The following SYNE1 variants were observed in gnomAD, a reference collection of about 807,000 sequenced individuals.
SYNE1 encodes nesprin-1.
Under a neutral mutation model 1,111.0 loss-of-function variants are expected in SYNE1, and 616 were observed. The ratio of observed to expected loss-of-function variants is 0.55; its 90% CI spans 0.52 to 0.59. SYNE1 has a LOEUF of 0.59. Among genes scored for constraint, SYNE1 ranks in the 20% least tolerant of loss-of-function variants. The probability of loss-of-function intolerance (pLI) is 0.00; values close to 1 mark genes in which losing one functional copy is unlikely to be tolerated. For synonymous variants in SYNE1, 3,855 were observed against 3,825.8 expected, an observed-to-expected ratio of 1.01 and a Z score of -0.28; for missense variants, 10,006 against 10,417.0, an observed-to-expected ratio of 0.96 and a Z score of 1.72.
chr6:152,491,646 T>C (rs972876629), intron 11 of SYNE1, among the ~76,000 whole-genome samples: 1 of 152,168 alleles, frequency 6.6e-6, no homozygotes, highest in Non-Finnish European at 1.5e-5. Context: ...TGGATGATTT[T>C]TCTTGAAAAA....
At chr6:152,380,541 G>C (rs909379095) in intron 56 of SYNE1, 1 of 183,820 alleles carries the variant, frequency 5.4e-6, no homozygotes, top group African/African-American at 2.4e-5. Flanking sequence ...AAACCACACA[G>C]AGGAGAGCTA....
rs536556190 is a variant in SYNE1 at position 152,442,669 on chromosome 6, G to A, written c.3838-424C>T. On this transcript the variant is annotated intron_variant, in intron 30 of 145. Coordinates refer to ENST00000367255, the MANE Select transcript of SYNE1 (RefSeq NM_182961.4). ...TATTAAGAGATTTATGGCCAGGGGC[G>A]GTGCAGTGGCTCACACCTGTAATCC... Among the ~76,000 whole-genome samples, 39 of 152,256 alleles carry A rather than the reference G, an allele frequency of 2.6e-4. No individual in the cohort carries two copies. In the South Asian group the frequency reaches 3.7e-3, roughly 15 times the overall value.
At chr6:152,478,130 C>T (rs1473267525) in intron 14 of SYNE1, among the ~76,000 whole-genome samples, 15 of 152,060 alleles carry the variant, frequency 9.9e-5, no homozygotes, top group Non-Finnish European at 1.5e-5. Context: ...TGTAAGAAGA[C>T]TGAGAACTGG....
At position 152,416,603 on chromosome 6, in the gene SYNE1, C is replaced by T. The variant is rs1397702570; in HGVS notation, c.5834G>A (p.Arg1945Lys). 2 of 1,614,018 alleles carry T rather than the reference C, an allele frequency of 1.2e-6. No individual in the cohort carries two copies. The highest frequency in any genetic ancestry group is 1.7e-5 in the Admixed American group (1 of 59,998). Residue 1945 changes from arginine (R) to lysine (K), a missense_variant, in exon 41 of 146, where the codon AGG (arginine) becomes AAG (lysine). This residue lies in a region of SYNE1 where 4,955 missense variants were observed against 5,017.2 expected (regional missense o/e 0.99). Coordinates refer to ENST00000367255, the MANE Select transcript of SYNE1 (RefSeq NM_182961.4). The stretch of plus-strand genomic sequence containing the variant: ...ATCAGCCGTGGCTCTGCAGGAAGTC[C>T]TTTGCTCAGAGCTCCCGATTTTCAG... Reference protein sequence around the residue: ...YHLKIGSSEQRTSCRATADQL... With the variant: ...YHLKIGSSEQKTSCRATADQL...
At chr6:152,230,756 C>A in intron 114 of SYNE1, 54 bp from the exon 115 acceptor site, 3 of 1,547,102 alleles carry the variant, frequency 1.9e-6, no homozygotes, top group South Asian at 1.1e-5. Flanking sequence ...AAAATCAAAT[C>A]ATTAGCAGAC....
chr6:152,510,411 T>A, intron 7 of SYNE1, 40 bp from the exon 8 acceptor site: 1 of 1,602,450 alleles, frequency 6.2e-7, no homozygotes, highest in Non-Finnish European at 8.5e-7. Context: ...ATAAGCATTA[T>A]CTTTGTTATT....
intron 39 of SYNE1, among the ~76,000 whole-genome samples, chr6:152,422,930 C>T (rs2098289776): frequency 6.6e-6 from 1 of 152,120 alleles, no homozygotes; most frequent in Non-Finnish European, 1.5e-5. Flanking sequence ...TATTTTACTC[C>T]AAAATATATT....
rs116355560 is a variant in SYNE1, at chr6:152,516,878, A to C, written c.309+3581T>G. On this transcript the variant is annotated intron_variant, in intron 6 of 145. Coordinates refer to ENST00000367255, the MANE Select transcript of SYNE1 (RefSeq NM_182961.4). ...TGGGATTAGAGGTGTGAGCCACTGCATCTGGTCCTGAAAAACTCTAAATAT... is the reference window on the plus strand; with the variant it reads ...TGGGATTAGAGGTGTGAGCCACTGCCTCTGGTCCTGAAAAACTCTAAATAT... Among the ~76,000 whole-genome samples the C allele has an allele frequency of 4.0e-3, 606 of 152,256 alleles. 4 individuals carry two copies. Among genetic ancestry groups the C allele is most frequent in the African/African-American group, 0.014 (574 of 41,562 alleles).
chr6:152,424,077 C>T (rs77287211), intron 39 of SYNE1, among the ~76,000 whole-genome samples: 7,578 of 152,254 alleles, frequency 0.05, 696 homozygotes, highest in African/African-American at 0.17. Flanking sequence ...CCTCTCTCCA[C>T]ACCATGGACC....
At chr6:152,449,001 G>C (rs574357491) in intron 28 of SYNE1, among the ~76,000 whole-genome samples, 5 of 152,334 alleles carry the variant, frequency 3.3e-5, no homozygotes, top group African/African-American at 1.2e-4. Context: ...AAGAGTGAGA[G>C]AGTGCCATTT....
rs529353527 is a variant in SYNE1 at position 152,462,583 on chromosome 6, C to T, written c.2250+155G>A. The T allele has an allele frequency of 1.0e-5, 8 of 762,162 alleles. No individual in the cohort carries two copies. The Admixed American group carries it at 1.2e-4, about 12-fold the overall frequency. The allele number at this position is 762,162 out of a possible 1,614,324, so 47.2% of individuals were successfully genotyped here. On this transcript the variant is annotated intron_variant, in intron 20 of 145. Coordinates refer to ENST00000367255, the MANE Select transcript of SYNE1 (RefSeq NM_182961.4). ...AGTCATGTCTTTTTTATGTTCAATA[C>T]ATTTTTTTCTGACAGGTGCAAATTG...
In SYNE1 at chr6:152,364,942, A is replaced by T; in HGVS notation, c.10050T>A (p.Asn3350Lys). 1 of 1,614,236 alleles carries T rather than the reference A, an allele frequency of 6.2e-7. No homozygotes were observed. The highest frequency in any genetic ancestry group is 8.5e-7 in the Non-Finnish European group (1 of 1,180,034). ...TAGTGGGAATGCCTTCTGGAGAAGT[A>T]TTCTGAAGGACAGATTCTCCCCTGG... ...IVTRGESVLQ[N>K]TSPEGIPTIQ... is the part of the protein sequence containing the mutation. The change falls in exon 63 of 146, where the codon AAT (asparagine) becomes AAA (lysine). Residue 3350 changes from asparagine to lysine, a missense_variant. Asn to Lys is a moderately conservative substitution (Grantham distance 94). Transcript: ENST00000367255.
At position 152,254,985 on chromosome 6, in the gene SYNE1, T is replaced by C. The variant is rs886044212; in HGVS notation, c.19365A>G (p.Glu6455=). 6.2e-7 allele frequency: 1 copy of C among 1,613,998 alleles called. No individual in the cohort carries two copies. Residue 6455 remains glutamate, a synonymous_variant, in exon 104 of 146, where the codon GAA becomes GAG. Transcript: ENST00000367255. ...PENGDNRDVI[E]DTLGCLLGRL... ...TGCCCAAAAGACAACCCAAAGTATCTTCAATAACATCTCGATTATCACCAT... is the reference window on the plus strand; with the variant it reads ...TGCCCAAAAGACAACCCAAAGTATCCTCAATAACATCTCGATTATCACCAT...
chr6:152,358,270 C>G, intron 66 of SYNE1, 103 bp downstream of exon 66: 1 of 1,491,706 alleles, frequency 6.7e-7, no homozygotes, highest in Non-Finnish European at 9.3e-7. Context: ...TGTGTATCAA[C>G]TAGCCACTGG....
Position 152,430,679 on chromosome 6 carries a change from T to C in SYNE1, c.4492A>G (p.Ser1498Gly). Residue 1498 changes from serine (S) to glycine (G), a missense_variant, in exon 35 of 146, where the codon AGC becomes GGC. By Grantham distance (56) the Ser-to-Gly change is moderately conservative. This residue lies in a region of SYNE1 where 1,971 missense variants were observed against 2,084.1 expected (regional missense o/e 0.95). Transcript: ENST00000367255. Reference protein sequence around the residue: ...VTIQEIESKLSSIVGLEEEAQ... With the variant: ...VTIQEIESKLGSIVGLEEEAQ... ...TCTTCTTCTAATCCTACAATGCTGC[T>C]GAGCTTACTTTCTATTTCCTGAATT... is the stretch of plus-strand genomic sequence containing the variant. 6.2e-7 allele frequency: 1 copy of C among 1,614,138 alleles called. No homozygotes were observed. The highest frequency in any genetic ancestry group is 1.3e-5 in the African/African-American group (1 of 75,068).
At chr6:152,465,012 A>C in intron 18 of SYNE1, 1 of 530,024 alleles carries the variant, frequency 1.9e-6, no homozygotes, top group Non-Finnish European at 3.4e-6. Flanking sequence ...CTTCATAGAC[A>C]GACTTCAGGG....
At chr6:152,217,257 GTGGTGGA>G (rs2078963339) in intron 121 of SYNE1, among the ~76,000 whole-genome samples, 1 of 150,458 alleles carries the variant, frequency 6.6e-6, no homozygotes. Context: ...TTAGCCAGGC[GTGGTGGA>G]CAGTACCTGC....
At chr6:152,262,508 C>T (rs1258325913) in intron 100 of SYNE1, among the ~76,000 whole-genome samples, 1 of 152,128 alleles carries the variant, frequency 6.6e-6, no homozygotes, top group Non-Finnish European at 1.5e-5. Flanking sequence ...AGTTCAAAAC[C>T]TTAAAAATGT....
In SYNE1 at chr6:152,434,231, A is replaced by C. The variant is rs76193964; in HGVS notation, c.4311-286T>G. ...TCCAAAGGGGTTTGAATCCAGGTAG[A>C]ATCTAATTAAACTCTGCATGTGACC... On this transcript the variant is annotated intron_variant, in intron 33 of 145. Transcript: ENST00000367255. The C allele has an allele frequency of 5.7e-3, 2,211 of 389,904 alleles. 43 individuals are homozygous for C. The highest frequency in any genetic ancestry group is 0.041 in the African/African-American group (2,016 of 48,850). The allele number at this position is 389,904 out of a possible 1,614,324, so 24.2% of individuals were successfully genotyped here.
Sources: gnomAD v4.1 joint callset for allele counts (sites outside exome capture counted in the v4.1 genomes callset) on GRCh38, gnomAD v4.1.1 for gene constraint, gnomAD v4.1.1 regional missense constraint, MANE v1.5 for transcripts, NCBI Gene and HGNC (gene_info 2026-07-23, HGNC 2026-07-21) for gene names.